The following NRCAM variants were observed in gnomAD, a reference collection of about 807,000 sequenced individuals.
NRCAM encodes the protein neuronal cell adhesion molecule.
Under a neutral mutation model 156.5 loss-of-function variants are expected in NRCAM, and 83 were observed. That is an observed-to-expected ratio of 0.53 (90% CI 0.44 to 0.64). The LOEUF (loss-of-function observed/expected upper bound fraction) is 0.64, where lower values mean the gene tolerates loss of function less well. Ranked by LOEUF, NRCAM falls within the 30% of genes least tolerant of loss-of-function variation. The pLI, the probability that NRCAM is intolerant of heterozygous loss-of-function variation, is 0.00. For synonymous variants in NRCAM, 538 were observed against 563.9 expected (o/e 0.95, Z 0.65); for missense variants, 1,417 against 1,597.3 (o/e 0.89, Z 1.92).
At chr7:108,262,323 T>G (rs934996696) in intron 3 of NRCAM, among the ~76,000 whole-genome samples, 1 of 151,620 alleles carries the variant, frequency 6.6e-6, no homozygotes. Context: ...AGTGATGTGG[T>G]GTGTGTGTGT....
chr7:108,214,581 G>GT (rs759447967), intron 11 of NRCAM, among the ~76,000 whole-genome samples: 1 of 152,068 alleles, frequency 6.6e-6, no homozygotes, highest in African/African-American at 2.4e-5. Flanking sequence ...TTTTTGAAGG[G>GT]TTTTTCATGT....
chr7:108,186,010 C>T (rs1475699093), intron 20 of NRCAM, among the ~76,000 whole-genome samples: 1 of 152,226 alleles, frequency 6.6e-6, no homozygotes, highest in Non-Finnish European at 1.5e-5. Flanking sequence ...ACATATTTTT[C>T]AGTGCATACC....
chr7:108,352,839 C>T (rs896794515), intron 2 of NRCAM, among the ~76,000 whole-genome samples: 3 of 152,136 alleles, frequency 2.0e-5, no homozygotes, highest in African/African-American at 7.2e-5. Context: ...CATTTATCTA[C>T]AGTAGCCACA....
chr7:108,404,146 GT>G (rs2099800854), intron 1 of NRCAM, among the ~76,000 whole-genome samples: 1 of 152,146 alleles, frequency 6.6e-6, no homozygotes. Flanking sequence ...TAAAAGTGAA[GT>G]GCCTCAGAGG....
intron 2 of NRCAM, among the ~76,000 whole-genome samples, chr7:108,356,330 T>C (rs192252063): frequency 6.6e-6 from 1 of 152,350 alleles, no homozygotes; most frequent in Non-Finnish European, 1.5e-5. Flanking sequence ...CTATTATTAT[T>C]AATCTTTTAC....
In NRCAM at chr7:108,263,121, C is replaced by T. The variant is rs115057073; in HGVS notation, c.-106-22951G>A. ...GGTTAGAGTGAGTGTCTCATCCCTA[C>T]GGCCCCCACAGGAACCACGTGGATG... On this transcript the variant is annotated intron_variant, in intron 3 of 32. Transcript: ENST00000379028. Among the ~76,000 whole-genome samples, 1,175 of 152,326 alleles carry T rather than the reference C, an allele frequency of 7.7e-3. 12 individuals are homozygous for T. Among genetic ancestry groups the T allele is most frequent in the African/African-American group, 0.024 (978 of 41,570 alleles).
intron 1 of NRCAM, among the ~76,000 whole-genome samples, chr7:108,453,015 T>G (rs1047954007): frequency 6.2e-5 from 9 of 145,284 alleles, no homozygotes; most frequent in Non-Finnish European, 1.4e-4. Flanking sequence ...GGCTATGCAT[T>G]TGTGATATGT....
intron 2 of NRCAM, among the ~76,000 whole-genome samples, chr7:108,393,361 G>A (rs1023986596): frequency 2.0e-5 from 3 of 152,110 alleles, no homozygotes; most frequent in African/African-American, 4.8e-5. Flanking sequence ...GGGACCCTCC[G>A]AGCCAGGTGC....
intron 2 of NRCAM, among the ~76,000 whole-genome samples, chr7:108,315,462 AG>A (rs1264147656): frequency 1.3e-5 from 2 of 152,196 alleles, no homozygotes; most frequent in Non-Finnish European, 2.9e-5. Context: ...CTTGAAACCC[AG>A]TTCTCCCATT....
intron 1 of NRCAM, among the ~76,000 whole-genome samples, chr7:108,453,773 C>A (rs75120225): frequency 0.063 from 9,598 of 152,244 alleles, 295 homozygotes; most frequent in African/African-American, 0.068. Context: ...ATTCTAAAAG[C>A]TATTCCAGAA....
intron 10 of NRCAM, among the ~76,000 whole-genome samples, chr7:108,224,616 C>G (rs1467218462): frequency 6.6e-6 from 1 of 151,948 alleles, no homozygotes; most frequent in Non-Finnish European, 1.5e-5. Flanking sequence ...GGTTTTATAG[C>G]CCTTGAAGGT....
In NRCAM at chr7:108,194,432, C is replaced by G. The variant is rs1259489119; in HGVS notation, c.1464-4G>C. On this transcript the variant is annotated splice_polypyrimidine_tract_variant and splice_region_variant and intron_variant, in intron 15 of 32. Transcript: ENST00000379028. ...ACTTCCTTTAGCTCCTTTAAACCTTCATTACAGAAATTATCACAATGAGAA... is the reference window on the plus strand; with the variant it reads ...ACTTCCTTTAGCTCCTTTAAACCTTGATTACAGAAATTATCACAATGAGAA... The G allele has an allele frequency of 1.9e-6, 3 of 1,569,486 alleles. No individual in the cohort carries two copies. The highest frequency in any genetic ancestry group is 2.6e-6 in the Non-Finnish European group (3 of 1,155,312).
At chr7:108,205,484 A>G (rs1183430817) in intron 13 of NRCAM, among the ~76,000 whole-genome samples, 2 of 152,094 alleles carry the variant, frequency 1.3e-5, no homozygotes, top group African/African-American at 4.8e-5. Context: ...CCCACATCTC[A>G]ATTTTCCTTG....
chr7:108,262,314 G>A (rs1483158894), intron 3 of NRCAM, among the ~76,000 whole-genome samples: 4 of 152,144 alleles, frequency 2.6e-5, no homozygotes, highest in Non-Finnish European at 5.9e-5. Flanking sequence ...CTCAACTACA[G>A]TGATGTGGTG....
rs374991146 is a variant in NRCAM at position 108,191,868 on chromosome 7, C to T, written c.1779-15G>A. On this transcript the variant is annotated splice_polypyrimidine_tract_variant and intron_variant, in intron 17 of 32. Transcript: ENST00000379028. ...CAACAGTGAACCTGTGGATAGAATG[C>T]ATTCAGAGCAGCTGAAATGGACATG... The T allele has an allele frequency of 6.2e-7, 1 of 1,609,624 alleles. No homozygotes were observed. Among genetic ancestry groups the T allele is most frequent in the Non-Finnish European group, 8.5e-7 (1 of 1,177,864 alleles).
At chr7:108,381,575 T>C (rs2099701381) in intron 2 of NRCAM, among the ~76,000 whole-genome samples, 1 of 151,488 alleles carries the variant, frequency 6.6e-6, no homozygotes, top group African/African-American at 2.4e-5. Context: ...TTTTTTTTTT[T>C]TGAGACAGAG....
At chr7:108,291,723 AAAG>A (rs1468841466) in intron 3 of NRCAM, among the ~76,000 whole-genome samples, 5 of 152,174 alleles carry the variant, frequency 3.3e-5, no homozygotes, top group Non-Finnish European at 5.9e-5. Flanking sequence ...AGAGAAGAGA[AAAG>A]AAAGTATAGA....
chr7:108,332,217 A>G (rs1477456528), intron 2 of NRCAM, among the ~76,000 whole-genome samples: 1 of 152,218 alleles, frequency 6.6e-6, no homozygotes, highest in African/African-American at 2.4e-5. Flanking sequence ...CAGCAGACTG[A>G]CATCCTATTG....
At chr7:108,332,204 G>A (rs2099133947) in intron 2 of NRCAM, among the ~76,000 whole-genome samples, 1 of 152,160 alleles carries the variant, frequency 6.6e-6, no homozygotes, top group Admixed American at 6.6e-5. Flanking sequence ...TAATTTGATG[G>A]CACAGCAGAC....
Sources: allele counts gnomAD v4.1 joint callset (sites outside exome capture counted in the v4.1 genomes callset), GRCh38; gene constraint gnomAD v4.1.1; transcripts MANE v1.5; gene names NCBI Gene and HGNC (gene_info 2026-07-23, HGNC 2026-07-21).